Variants in PFKFB3 observed in about 807,000 individuals in gnomAD.
The protein encoded by PFKFB3 is 6-phosphofructo-2-kinase/fructose-2,6-bisphosphatase 3.
A neutral mutation model predicts 68.0 loss-of-function variants in PFKFB3; 33 were observed. That is an observed-to-expected ratio of 0.49 (90% CI 0.37 to 0.65). The LOEUF (loss-of-function observed/expected upper bound fraction) is 0.65, where lower values mean the gene tolerates loss of function less well. PFKFB3 is among the 30% of genes least tolerant of loss of function. The pLI is 0.00. For synonymous variants in PFKFB3, 315 were observed against 288.2 expected (o/e 1.09, Z -0.94); for missense variants, 586 against 712.2 (o/e 0.82, Z 2.02).
At chr10:6,244,644 G>A (rs1467800851) in intron 14 of PFKFB3, among the ~76,000 whole-genome samples, 4 of 152,124 alleles carry the variant, frequency 2.6e-5, no homozygotes, top group Non-Finnish European at 4.4e-5. Context: ...ATTAGACCGA[G>A]ACAAGTAATT....
At chr10:6,290,043 T>C in the PFKFB3 span, among the ~76,000 whole-genome samples, 4 of 152,280 alleles carry the variant, frequency 2.6e-5, no homozygotes, top group Admixed American at 2.6e-4. Context: ...GTGATTTTTG[T>C]ACATTGATTT....
chr10:6,186,574 T>C (rs1047068492), intron 1 of PFKFB3, among the ~76,000 whole-genome samples: 8 of 152,352 alleles, frequency 5.3e-5, no homozygotes, highest in Non-Finnish European at 1.0e-4. Flanking sequence ...ATTTCAAGAA[T>C]GGCACTGTGT....
intron 14 of PFKFB3, chr10:6,231,629 G>A (rs932556591): frequency 7.2e-6 from 7 of 970,658 alleles, no homozygotes; most frequent in East Asian, 1.1e-4. Context: ...CAGCAGATGC[G>A]GAGGGAAATG....
chr10:6,231,179 C>T, intron 14 of PFKFB3: 1 of 981,520 alleles, frequency 1.0e-6, no homozygotes, highest in South Asian at 1.3e-5. Flanking sequence ...ATTTCAAATG[C>T]ACACTAGAAA....
chr10:6,172,383 A>G (rs1305410798), intron 1 of PFKFB3, among the ~76,000 whole-genome samples: 1 of 152,190 alleles, frequency 6.6e-6, no homozygotes, highest in African/African-American at 2.4e-5. Flanking sequence ...CAGACAGGAC[A>G]CTTCGCTGGC....
chr10:6,271,009 C>T, the PFKFB3 span, among the ~76,000 whole-genome samples: 17 of 152,126 alleles, frequency 1.1e-4, no homozygotes, highest in Non-Finnish European at 2.1e-4. Context: ...TTTTCTGAAA[C>T]GTGGGTTTGG....
In PFKFB3 at chr10:6,177,354, C is replaced by CTCTTTCTTTCTTTCTTTCTTTCTT. The variant is rs71294418; in HGVS notation, c.16+32374_16+32397dup. On this transcript the variant is annotated intron_variant, in intron 1 of 14. Coordinates refer to the PFKFB3 transcript ENST00000379789. ...GTTTGTGGGATGTTTCTTTTCTTTT[C>CTCTTTCTTTCTTTCTTTCTTTCTT]TCTTTCTTTCTTTCTTTCTTTCTTT... Among the ~76,000 whole-genome samples the CTCTTTCTTTCTTTCTTTCTTTCTT allele has an allele frequency of 1.0e-3, 79 of 78,026 alleles. 4 individuals are homozygous for CTCTTTCTTTCTTTCTTTCTTTCTT. The highest frequency in any genetic ancestry group is 1.6e-3 in the East Asian group (4 of 2,506). The allele number at this position is 78,026 out of a possible 152,430, so 51.2% of individuals were successfully genotyped here. A position where few individuals can be genotyped will look rare whatever the true frequency, so the allele number is the denominator to read the frequency against.
chr10:6,203,245 G>A lies in PFKFB3; in HGVS notation c.-16G>A, dbSNP rs553181137. 1.2e-5 allele frequency: 20 copies of A among 1,605,694 alleles called. No homozygotes were observed. The South Asian group carries it at 2.1e-4, about 17-fold the overall frequency. On this transcript the variant is annotated 5_prime_UTR_variant, in exon 1 of 15. Transcript: ENST00000379775. ...TCTCGGCCCCGGGAGGCGGGCCGTC[G>A]GGCGCAGCCGCGAAGATGCCGTTGG...
the PFKFB3 span, among the ~76,000 whole-genome samples, chr10:6,313,289 T>A: frequency 2.6e-5 from 4 of 152,242 alleles, no homozygotes; most frequent in Non-Finnish European, 4.4e-5. The surrounding 1 kb of genome is among the most constrained non-coding windows in gnomAD (Gnocchi z 4.2). Context: ...CAAAGTTTGA[T>A]AAAAGGAAAA....
At chr10:6,304,105 G>T in the PFKFB3 span, among the ~76,000 whole-genome samples, 1 of 152,144 alleles carries the variant, frequency 6.6e-6, no homozygotes. Context: ...CCCCAGAGAC[G>T]CACCTTGTTT....
chr10:6,224,923 G>C (rs1341065824), intron 13 of PFKFB3, among the ~76,000 whole-genome samples: 1 of 147,896 alleles, frequency 6.8e-6, no homozygotes, highest in African/African-American at 2.5e-5. Context: ...TTGTGATTAG[G>C]CTCAGAACCA....
At chr10:6,326,585 T>C in the PFKFB3 span, 1 of 454,608 alleles carries the variant, frequency 2.2e-6, no homozygotes, top group Non-Finnish European at 4.4e-6. Flanking sequence ...GTGACTCTCC[T>C]CCCTGCTCCG....
chr10:6,177,852 G>A (rs1395382265), intron 1 of PFKFB3, among the ~76,000 whole-genome samples: 2 of 152,142 alleles, frequency 1.3e-5, no homozygotes, highest in Non-Finnish European at 2.9e-5. Flanking sequence ...GATAAGGTGG[G>A]GAACTTGGGA....
intron 1 of PFKFB3, among the ~76,000 whole-genome samples, chr10:6,169,750 T>C (rs1384330577): frequency 1.3e-5 from 2 of 152,212 alleles, no homozygotes; most frequent in Middle Eastern, 3.4e-3. Flanking sequence ...CAGGGTGAAA[T>C]CCCAGCCCTG....
intron 1 of PFKFB3, chr10:6,145,136 G>A (rs1002213426): frequency 2.7e-6 from 2 of 750,788 alleles, no homozygotes; most frequent in Non-Finnish European, 3.7e-6. Flanking sequence ...GGGCTGCGGC[G>A]GTGCCGCCCG....
the PFKFB3 span, among the ~76,000 whole-genome samples, chr10:6,290,978 A>G: frequency 6.6e-6 from 1 of 151,958 alleles, no homozygotes; most frequent in Non-Finnish European, 1.5e-5. Context: ...TCTGTGTGGT[A>G]TTCCCATTAC....
At chr10:6,207,559 T>G (rs1251470714) in intron 1 of PFKFB3, among the ~76,000 whole-genome samples, 1 of 152,200 alleles carries the variant, frequency 6.6e-6, no homozygotes, top group Non-Finnish European at 1.5e-5. Context: ...CCCAAAGTGC[T>G]GAGGTTACAG....
At chr10:6,269,709 T>C in the PFKFB3 span, among the ~76,000 whole-genome samples, 5 of 152,188 alleles carry the variant, frequency 3.3e-5, no homozygotes, top group Admixed American at 6.5e-5. Context: ...AGACATTAAA[T>C]GGCTCATATT....
At chr10:6,285,546 T>TA in the PFKFB3 span, among the ~76,000 whole-genome samples, 1 of 152,162 alleles carries the variant, frequency 6.6e-6, no homozygotes, top group South Asian at 2.1e-4. Flanking sequence ...TCTCTTTACT[T>TA]AAAAAAATTG....
Sources: allele counts gnomAD v4.1 joint callset (sites outside exome capture counted in the v4.1 genomes callset), GRCh38; gene constraint gnomAD v4.1.1; non-coding constraint Gnocchi (gnomAD v3.1); transcripts MANE v1.5; gene names NCBI Gene and HGNC (gene_info 2026-07-23, HGNC 2026-07-21).